THOC5: variants seen among roughly 807,000 people sequenced by gnomAD.
THOC5 encodes the protein THO complex subunit 5, also known as Fms-interacting protein.
In THOC5, 43 loss-of-function variants were observed where a neutral mutation model predicts 92.9. The ratio of observed to expected loss-of-function variants is 0.46; its 90% CI spans 0.36 to 0.60. The LOEUF is 0.60. THOC5 is among the 20% of genes least tolerant of loss of function. The pLI is 0.00. For synonymous variants in THOC5, 296 were observed against 320.1 expected (o/e 0.92, Z 0.80); for missense variants, 659 against 849.4 (o/e 0.78, Z 2.79).
chr22:29,552,326 G>A (rs986564181), intron 1 of THOC5, among the ~76,000 whole-genome samples: 3 of 151,080 alleles, frequency 2.0e-5, no homozygotes, highest in African/African-American at 7.3e-5. Context: ...ACCCCATCCC[G>A]TCTAGGAAGT....
intron 8 of THOC5, among the ~76,000 whole-genome samples, chr22:29,529,719 A>G (rs970347572): frequency 2.6e-5 from 4 of 152,250 alleles, no homozygotes; most frequent in African/African-American, 9.6e-5. Context: ...TAGGACAGTG[A>G]ATAGGAACTT....
intron 8 of THOC5, among the ~76,000 whole-genome samples, chr22:29,530,301 C>T (rs1348342170): frequency 6.6e-6 from 1 of 151,736 alleles, no homozygotes; most frequent in Non-Finnish European, 1.5e-5. Flanking sequence ...AGTGGATCAC[C>T]TGAGATCAGG....
chr22:29,549,545 G>A (rs1020170415), intron 1 of THOC5, among the ~76,000 whole-genome samples: 1 of 152,072 alleles, frequency 6.6e-6, no homozygotes, highest in Non-Finnish European at 1.5e-5. Context: ...TCCTCTCCAG[G>A]ACTACTCTAA....
intron 1 of THOC5, among the ~76,000 whole-genome samples, chr22:29,552,118 G>A (rs1367415056): frequency 2.0e-5 from 3 of 151,350 alleles, no homozygotes; most frequent in Non-Finnish European, 4.4e-5. Context: ...GTGCAGTGGC[G>A]TGATCTCGGC....
intron 7 of THOC5, among the ~76,000 whole-genome samples, chr22:29,532,363 C>T (rs1215481349): frequency 6.6e-6 from 1 of 151,996 alleles, no homozygotes; most frequent in Non-Finnish European, 1.5e-5. Context: ...ATCAATAAAA[C>T]ATCAAATAAG....
At chr22:29,528,775 ATAG>A (rs2063594988) in intron 9 of THOC5, among the ~76,000 whole-genome samples, 1 of 152,154 alleles carries the variant, frequency 6.6e-6, no homozygotes, top group Non-Finnish European at 1.5e-5. Flanking sequence ...AATAATAATA[ATAG>A]TAGTAGAAGC....
chr22:29,552,126 G>C (rs1422361066), intron 1 of THOC5, among the ~76,000 whole-genome samples: 1 of 151,302 alleles, frequency 6.6e-6, no homozygotes, highest in South Asian at 2.1e-4. Context: ...GCGTGATCTC[G>C]GCTCGCTACA....
chr22:29,529,311 C>T, intron 8 of THOC5, 72 bp from the exon 9 acceptor site: 3 of 1,510,580 alleles, frequency 2.0e-6, no homozygotes, highest in Non-Finnish European at 2.8e-6. Flanking sequence ...TAGGCCAGCT[C>T]TGGGGCTGCA....
At chr22:29,543,007 G>T in intron 4 of THOC5, 51 bp from the exon 5 acceptor site, 1 of 1,376,610 alleles carries the variant, frequency 7.3e-7, no homozygotes, top group Non-Finnish European at 1.0e-6. Context: ...GGATGGAGCA[G>T]AGGAGAGGGT....
Position 29,543,419 on chromosome 22 carries a change from T to A in THOC5, c.354+10A>T. On this transcript the variant is annotated intron_variant, in intron 4 of 19. Transcript: ENST00000490103. ...GGAGGAAGGTTAAAATTAAACCTTT[T>A]AACTACTACCTCGTGGGTCTGATCT... is the stretch of plus-strand genomic sequence containing the variant. 1.3e-6 allele frequency: 2 copies of A among 1,594,340 alleles called. No individual in the cohort carries two copies. Among genetic ancestry groups the A allele is most frequent in the Non-Finnish European group, 1.7e-6 (2 of 1,163,212 alleles).
At chr22:29,530,878 T>C (rs1174436493) in intron 8 of THOC5, among the ~76,000 whole-genome samples, 1 of 152,156 alleles carries the variant, frequency 6.6e-6, no homozygotes. Flanking sequence ...GATGGCAAAC[T>C]TCCCCCAAGT....
At chr22:29,545,166 C>T in intron 2 of THOC5, 1 of 350,870 alleles carries the variant, frequency 2.9e-6, no homozygotes, top group Non-Finnish European at 5.6e-6. Flanking sequence ...AGCAGAAACC[C>T]CTTATAAACC....
chr22:29,545,075 G>C, intron 2 of THOC5: 1 of 437,852 alleles, frequency 2.3e-6, no homozygotes, highest in South Asian at 1.6e-5. Context: ...CCACATAGCT[G>C]GGGAGGCCTC....
At chr22:29,509,255 G>A (rs1259803280) in intron 19 of THOC5, among the ~76,000 whole-genome samples, 2 of 144,324 alleles carry the variant, frequency 1.4e-5, no homozygotes, top group African/African-American at 5.1e-5. Context: ...CAGCCTGGGC[G>A]ACAGAGTGAG....
At chr22:29,535,474 C>A (rs1187859508) in intron 7 of THOC5, 7 of 152,092 alleles carry the variant, frequency 4.6e-5, no homozygotes, top group Non-Finnish European at 7.3e-5. Flanking sequence ...TATATCCCTA[C>A]AGATACTTTG....
At chr22:29,524,304 A>G (rs2063501231) in intron 12 of THOC5, among the ~76,000 whole-genome samples, 1 of 152,210 alleles carries the variant, frequency 6.6e-6, no homozygotes, top group South Asian at 2.1e-4. Context: ...ACAAGAGTCA[A>G]TGATTATAAA....
chr22:29,536,514 T>C, intron 7 of THOC5, 110 bp downstream of exon 7: 2 of 681,410 alleles, frequency 2.9e-6, no homozygotes, highest in Non-Finnish European at 5.3e-6. Context: ...GCCATCCTTA[T>C]ACTATACTCT....
At chr22:29,553,101 C>CGGAAA in intron 1 of THOC5, among the ~76,000 whole-genome samples, 1 of 152,258 alleles carries the variant, frequency 6.6e-6, no homozygotes, top group African/African-American at 2.4e-5. Flanking sequence ...ACAAACACTG[C>CGGAAA]GGAAGGCTGC....
intron 14 of THOC5, 76 bp from the exon 15 acceptor site, chr22:29,519,196 T>C: frequency 2.0e-6 from 2 of 984,946 alleles, no homozygotes; most frequent in South Asian, 3.2e-5. Context: ...TCCTGGGACC[T>C]GCCTGTCTGC....
Sources: gnomAD v4.1 joint callset for allele counts (sites outside exome capture counted in the v4.1 genomes callset) on GRCh38, gnomAD v4.1.1 for gene constraint, MANE v1.5 for transcripts, NCBI Gene and HGNC (gene_info 2026-07-23, HGNC 2026-07-21) for gene names.